FGFR2: variants seen among roughly 807,000 people sequenced by gnomAD.
The protein encoded by FGFR2 is fibroblast growth factor receptor 2, also known as BEK fibroblast growth factor receptor.
In FGFR2, 19 loss-of-function variants were observed where a neutral mutation model predicts 95.9. That is an observed-to-expected ratio of 0.20 (90% CI 0.14 to 0.29). The LOEUF is 0.29. FGFR2 is among the 10% of genes least tolerant of loss of function. The pLI is 1.00. For synonymous variants in FGFR2, 392 were observed against 393.3 expected, an observed-to-expected ratio of 1.00 and a Z score of 0.04; for missense variants, 707 against 1,056.9, an observed-to-expected ratio of 0.67 and a Z score of 4.59.
chr10:121,564,503 CTTG>C lies in FGFR2; in HGVS notation c.450_452del (p.Asn150del), dbSNP rs752218106. 4 of 1,613,660 alleles carry C rather than the reference CTTG, an allele frequency of 2.5e-6. No homozygotes were observed. The highest frequency in any genetic ancestry group is 2.7e-5 in the African/African-American group (2 of 74,904). On this transcript the variant is annotated inframe_deletion and splice_region_variant, in exon 4 of 18. Transcript: ENST00000358487. ...CATCGGAGCCGGGCAGTTACTTACT[CTTG>C]TTGTTACTGTTCTCACTGACAAAAT...
intron 9 of FGFR2, among the ~76,000 whole-genome samples, chr10:121,508,570 C>T (rs1848620337): frequency 6.6e-6 from 1 of 152,150 alleles, no homozygotes; most frequent in Non-Finnish European, 1.5e-5. Flanking sequence ...TTTCATGTGA[C>T]AGCTTTTCAA....
chr10:121,595,992 T>C (rs985469978), intron 1 of FGFR2, among the ~76,000 whole-genome samples: 1 of 152,114 alleles, frequency 6.6e-6, no homozygotes, highest in Admixed American at 6.5e-5. Flanking sequence ...TGGACAAAAG[T>C]ATGGTGCGAC....
intron 1 of FGFR2, among the ~76,000 whole-genome samples, chr10:121,594,983 T>C (rs902648552): frequency 2.0e-5 from 3 of 152,202 alleles, no homozygotes; most frequent in African/African-American, 7.2e-5. Context: ...GAAAGCTTAA[T>C]ATATTCCAAG....
At chr10:121,593,371 C>CT (rs1862955832) in intron 2 of FGFR2, among the ~76,000 whole-genome samples, 1 of 152,206 alleles carries the variant, frequency 6.6e-6, no homozygotes. Context: ...AGGAATGATG[C>CT]TGGGGGAGAC....
At chr10:121,487,187 A>G (rs1356976551) in intron 15 of FGFR2, among the ~76,000 whole-genome samples, 167 bp downstream of exon 15, 5 of 152,248 alleles carry the variant, frequency 3.3e-5, no homozygotes, top group Non-Finnish European at 5.9e-5. Context: ...GTAACAGAGC[A>G]TTGGTTATCA....
chr10:121,499,524 C>A (rs1847312913), intron 11 of FGFR2, among the ~76,000 whole-genome samples: 1 of 152,230 alleles, frequency 6.6e-6, no homozygotes, highest in Admixed American at 6.5e-5. Context: ...AAAGGACACG[C>A]CACAATGGCT....
chr10:121,527,361 A>T (rs2134425769), intron 6 of FGFR2, among the ~76,000 whole-genome samples: 1 of 152,332 alleles, frequency 6.6e-6, no homozygotes, highest in South Asian at 2.1e-4. Context: ...GCCTTCAAAA[A>T]GTTTCACCAG....
chr10:121,524,101 T>C (rs2981438), intron 6 of FGFR2, among the ~76,000 whole-genome samples: 35,528 of 87,906 alleles, frequency 0.4, 4,861 homozygotes, highest in Middle Eastern at 0.56. Context: ...CGGCTATGTA[T>C]ACACACACAC....
intron 13 of FGFR2, among the ~76,000 whole-genome samples, chr10:121,490,917 G>A (rs1268207364): frequency 2.0e-5 from 3 of 152,188 alleles, no homozygotes; most frequent in African/African-American, 7.2e-5. Flanking sequence ...TGGCCAGGTT[G>A]GAAGCAGGAA....
chr10:121,569,204 CT>C (rs1858181723), intron 2 of FGFR2, among the ~76,000 whole-genome samples: 2 of 40,520 alleles, frequency 4.9e-5, no homozygotes, highest in African/African-American at 2.4e-4. Flanking sequence ...GTTTCTTTTT[CT>C]TTTCTTTTCT....
intron 5 of FGFR2, among the ~76,000 whole-genome samples, chr10:121,539,818 CAT>C (rs1318283490): frequency 6.6e-6 from 1 of 152,224 alleles, no homozygotes; most frequent in African/African-American, 2.4e-5. Flanking sequence ...TCTGCAAGCA[CAT>C]GAGTGATATA....
chr10:121,591,355 A>G (rs748786130), intron 2 of FGFR2, among the ~76,000 whole-genome samples: 9 of 152,210 alleles, frequency 5.9e-5, no homozygotes, highest in Non-Finnish European at 8.8e-5. Context: ...AGCCCACGGG[A>G]CTGGGAAGAC....
intron 5 of FGFR2, among the ~76,000 whole-genome samples, chr10:121,544,761 C>T (rs879443635): frequency 6.6e-6 from 1 of 152,054 alleles, no homozygotes; most frequent in Non-Finnish European, 1.5e-5. Flanking sequence ...TTGCACAACA[C>T]CATGAATGTA....
At chr10:121,503,979 C>T (rs774297034) in intron 9 of FGFR2, 38 bp from the exon 10 acceptor site, 1 of 1,612,166 alleles carries the variant, frequency 6.2e-7, no homozygotes, top group Admixed American at 1.7e-5. Context: ...GTAATCCTGG[C>T]TCCATCTGAG....
chr10:121,577,081 G>A (rs1362676612), intron 2 of FGFR2, among the ~76,000 whole-genome samples: 1 of 133,816 alleles, frequency 7.5e-6, no homozygotes, highest in African/African-American at 2.9e-5. Context: ...GTTGCAGTGA[G>A]CCAAGATCAC....
Position 121,528,519 on chromosome 10 carries a change from C to A in FGFR2, c.749-8350G>T, listed in dbSNP as rs146754713. 2.5e-3 allele frequency among the ~76,000 whole-genome samples: 375 copies of A among 152,316 alleles called. 3 individuals are homozygous for A. The highest frequency in any genetic ancestry group is 8.9e-3 in the African/African-American group (370 of 41,568). ...TAAAAAGCCTTTCTTCTAGAGAAGT[C>A]TAGAAAATCTATCATGCTCATCTCT... is the stretch of plus-strand genomic sequence containing the variant. On this transcript the variant is annotated intron_variant, in intron 6 of 17. Coordinates refer to ENST00000358487, the MANE Select transcript of FGFR2 (RefSeq NM_000141.5).
intron 2 of FGFR2, among the ~76,000 whole-genome samples, chr10:121,580,038 G>A (rs1860583284): frequency 6.6e-6 from 1 of 152,136 alleles, no homozygotes; most frequent in African/African-American, 2.4e-5. Context: ...GCCCTGTATG[G>A]CCCTGAAAGG....
intron 11 of FGFR2, among the ~76,000 whole-genome samples, chr10:121,499,310 T>A (rs1402455043): frequency 6.6e-6 from 1 of 152,094 alleles, no homozygotes; most frequent in East Asian, 1.9e-4. Context: ...CACCTCAAGC[T>A]AATTCAGTAT....
At chr10:121,543,063 T>C (rs896827091) in intron 5 of FGFR2, among the ~76,000 whole-genome samples, 7 of 152,220 alleles carry the variant, frequency 4.6e-5, no homozygotes, top group African/African-American at 1.7e-4. Context: ...GCTGTGTCCA[T>C]GTGATATCAG....
Sources: allele counts gnomAD v4.1 joint callset (sites outside exome capture counted in the v4.1 genomes callset), GRCh38; gene constraint gnomAD v4.1.1; transcripts MANE v1.5; gene names NCBI Gene and HGNC (gene_info 2026-07-23, HGNC 2026-07-21).